HSPA14: variants seen among roughly 807,000 people sequenced by gnomAD.
The protein encoded by HSPA14 is heat shock protein family A (Hsp70) member 14, also known as heat shock 70 kDa protein 14.
Under a neutral mutation model 65.5 loss-of-function variants are expected in HSPA14, and 37 were observed. The observed-to-expected ratio is 0.56, with a 90% confidence interval of 0.43 to 0.74. The LOEUF (loss-of-function observed/expected upper bound fraction) is 0.74. Among genes scored for constraint, HSPA14 ranks in the 30% least tolerant of loss-of-function variants. The pLI, the probability that HSPA14 is intolerant of heterozygous loss-of-function variation, is 0.00. For synonymous variants in HSPA14, 203 were observed against 214.2 expected (o/e 0.95, Z 0.46); for missense variants, 564 against 607.6 (o/e 0.93, Z 0.75).
intron 3 of HSPA14, among the ~76,000 whole-genome samples, chr10:14,848,323 G>A (rs1213816194): frequency 6.6e-6 from 1 of 152,120 alleles, no homozygotes; most frequent in African/African-American, 2.4e-5. Flanking sequence ...ATTATGAAAA[G>A]TCACCTCAAA....
intron 8 of HSPA14, 110 bp downstream of exon 8, chr10:14,852,641 T>C (rs529826741): frequency 5.6e-6 from 5 of 895,158 alleles, no homozygotes; most frequent in Non-Finnish European, 6.8e-6. Flanking sequence ...GAGGATGTGG[T>C]TTTTTCATTG....
intron 10 of HSPA14, among the ~76,000 whole-genome samples, chr10:14,856,212 A>G (rs1435889321): frequency 6.6e-6 from 1 of 152,222 alleles, no homozygotes; most frequent in Non-Finnish European, 1.5e-5. Context: ...AATACTTGCT[A>G]TGTGCCAGGC....
At chr10:14,845,018 T>A in intron 3 of HSPA14, 1 of 985,446 alleles carries the variant, frequency 1.0e-6, no homozygotes, top group Non-Finnish European at 1.2e-6. Flanking sequence ...ACAGCTTTGT[T>A]TCCTCTTTAA....
At chr10:14,843,776 G>A (rs745912318) in intron 3 of HSPA14, 246 of 1,536,210 alleles carry the variant, frequency 1.6e-4, no homozygotes, top group Non-Finnish European at 2.0e-4. Context: ...AATGAGCTCC[G>A]CAGGGATGCT....
Position 14,842,456 on chromosome 10 carries a change from A to C in HSPA14, c.221+2299A>C, listed in dbSNP as rs1217990559. On this transcript the variant is annotated intron_variant, in intron 3 of 13. Coordinates refer to ENST00000378372, the MANE Select transcript of HSPA14 (RefSeq NM_016299.4). The surrounding 1 kb of genome is among the most constrained non-coding windows in gnomAD (Gnocchi z 5.2). ...AATGCAGCAGGAGGGCTTCCGCCGC[A>C]CCGAACGTCAGTGCCGCTCCAAGTT... 1.3e-6 allele frequency: 2 copies of C among 1,536,170 alleles called. No homozygotes were observed. The highest frequency in any genetic ancestry group is 8.7e-7 in the Non-Finnish European group (1 of 1,146,922).
chr10:14,864,807 C>T (rs7904411), intron 10 of HSPA14, among the ~76,000 whole-genome samples: 26,661 of 152,086 alleles, frequency 0.18, 3,111 homozygotes, highest in South Asian at 0.34. Flanking sequence ...GTCTTTATGG[C>T]AGCATGACTT....
chr10:14,842,890 G>A lies in HSPA14; in HGVS notation c.221+2733G>A. 1.5e-6 allele frequency: 2 copies of A among 1,327,054 alleles called. No individual in the cohort carries two copies. 82.2% of individuals were successfully genotyped at this position (1,327,054 alleles called of 1,614,324 possible). On this transcript the variant is annotated intron_variant, in intron 3 of 13. Coordinates refer to ENST00000378372, the MANE Select transcript of HSPA14 (RefSeq NM_016299.4). This position sits in a 1 kb window ranked among gnomAD's most constrained non-coding sequence, Gnocchi z 5.2. ...AAGGAGTTGGGTCCCAGAGTCTTGT[G>A]GCTCTAAACATTTAGCTGTGTCTGT...
At chr10:14,843,307 G>T in intron 3 of HSPA14, 2 of 1,539,854 alleles carry the variant, frequency 1.3e-6, no homozygotes, top group Non-Finnish European at 1.8e-6. Context: ...CAGCTCTGCT[G>T]CTGGCTCCAA....
chr10:14,860,976 G>T (rs968495830), intron 10 of HSPA14, among the ~76,000 whole-genome samples: 5 of 152,102 alleles, frequency 3.3e-5, no homozygotes, highest in African/African-American at 1.2e-4. Flanking sequence ...AGGAAGGCAG[G>T]CAAAAACATA....
chr10:14,852,145 C>T (rs571900961), intron 7 of HSPA14, among the ~76,000 whole-genome samples: 3 of 152,288 alleles, frequency 2.0e-5, no homozygotes, highest in Non-Finnish European at 4.4e-5. Context: ...CAGAAGAATA[C>T]AGTTGTATCC....
chr10:14,852,605 TTATTTTAAGTTATCC>T, intron 8 of HSPA14, 74 bp downstream of exon 8: 1 of 1,178,876 alleles, frequency 8.5e-7, no homozygotes, highest in Non-Finnish European at 1.2e-6. Flanking sequence ...TTTTCCTAAT[TTATTTTAAGTTATCC>T]TGCTGCAAAG....
In HSPA14 at chr10:14,839,003, C is replaced by G. The variant is rs554460124; in HGVS notation, c.57+544C>G. 2.7e-3 allele frequency among the ~76,000 whole-genome samples: 409 copies of G among 152,192 alleles called. 1 individual carries two copies. The highest frequency in any genetic ancestry group is 0.015 in the South Asian group (73 of 4,820). Reference sequence around the variant, plus strand: ...GCCGCAGAACGCGCTGAGCTGGGCCCGAACGTCTAGGTCCCGGAGGGGCGG... The same window carrying G: ...GCCGCAGAACGCGCTGAGCTGGGCCGGAACGTCTAGGTCCCGGAGGGGCGG... On this transcript the variant is annotated intron_variant, in intron 1 of 13. Transcript: ENST00000378372.
chr10:14,848,713 A>T (rs910911909), intron 4 of HSPA14, 56 bp downstream of exon 4: 1 of 1,475,106 alleles, frequency 6.8e-7, no homozygotes, highest in Non-Finnish European at 9.4e-7. Flanking sequence ...CCAAGGTGAT[A>T]ACATGGAATG....
Position 14,842,853 on chromosome 10 carries a change from C to G in HSPA14, c.221+2696C>G. The G allele has an allele frequency of 6.6e-7, 1 of 1,516,348 alleles. No individual in the cohort carries two copies. The highest frequency in any genetic ancestry group is 8.8e-7 in the Non-Finnish European group (1 of 1,135,320). 93.9% of individuals were successfully genotyped at this position (1,516,348 alleles called of 1,614,324 possible). Reference sequence around the variant, plus strand: ...GATGAATCCTCGGGTGCAGGTAACTCCCAAGCATGTGAAGGAGTTGGGTCC... The same window carrying G: ...GATGAATCCTCGGGTGCAGGTAACTGCCAAGCATGTGAAGGAGTTGGGTCC... On this transcript the variant is annotated intron_variant, in intron 3 of 13. Coordinates refer to ENST00000378372, the MANE Select transcript of HSPA14 (RefSeq NM_016299.4). The surrounding 1 kb of genome is among the most constrained non-coding windows in gnomAD (Gnocchi z 5.2).
intron 5 of HSPA14, 29 bp downstream of exon 5, chr10:14,848,924 C>A (rs776955165): frequency 8.8e-7 from 1 of 1,141,610 alleles, no homozygotes; most frequent in Non-Finnish European, 1.3e-6. Context: ...ATAATAGTTA[C>A]CTTTAATGAT....
At position 14,870,463 on chromosome 10, in the gene HSPA14, A is replaced by C. The variant is rs1308175102; in HGVS notation, c.1381-134A>C. On this transcript the variant is annotated intron_variant, in intron 12 of 13. Coordinates refer to ENST00000378372, the MANE Select transcript of HSPA14 (RefSeq NM_016299.4). ...CTCTGAATTCTGATTCAGTGGTAGG[A>C]GAATTGAAAACTGCCCTATTTTAAA... is the stretch of plus-strand genomic sequence containing the variant. 2.2e-5 allele frequency: 20 copies of C among 903,100 alleles called. No homozygotes were observed. The East Asian group carries it at 6.1e-4, about 28-fold the overall frequency. The allele number at this position is 903,100 out of a possible 1,614,324, so 55.9% of individuals were successfully genotyped here.
At chr10:14,851,053 C>A in intron 6 of HSPA14, 166 bp from the exon 7 acceptor site, 1 of 562,828 alleles carries the variant, frequency 1.8e-6, no homozygotes, top group Non-Finnish European at 3.1e-6. Flanking sequence ...CTCTTATAGT[C>A]ATTCATTTCT....
rs749454461 is a variant in HSPA14, at chr10:14,840,108, A to G, written c.172A>G (p.Arg58Gly). ...ATTGGCAGCAAAACAAAGTAGAATA[A>G]GAAATATTTCAAATACAGTAATGAA... ...VGLAAKQSRI[R>G]NISNTVMKVK... Residue 58 changes from arginine to glycine, a missense_variant, in exon 3 of 14, where the codon AGA (arginine) becomes GGA (glycine). By Grantham distance (125) the Arg-to-Gly change is moderately radical. Transcript: ENST00000378372. The G allele has an allele frequency of 2.0e-6, 3 of 1,474,090 alleles. No homozygotes were observed. The African/African-American group carries it at 4.2e-5, about 21-fold the overall frequency. The allele number at this position is 1,474,090 out of a possible 1,614,324, so 91.3% of individuals were successfully genotyped here. A position where few individuals can be genotyped will look rare whatever the true frequency, so the allele number is the denominator to read the frequency against.
chr10:14,843,733 G>A, intron 3 of HSPA14: 1 of 1,537,214 alleles, frequency 6.5e-7, no homozygotes, highest in South Asian at 1.2e-5. Flanking sequence ...GATTGCTATT[G>A]GTGAGGAGGC....
Sources: gnomAD v4.1 joint callset for allele counts (sites outside exome capture counted in the v4.1 genomes callset) on GRCh38, gnomAD v4.1.1 for gene constraint, Gnocchi (gnomAD v3.1) non-coding constraint, MANE v1.5 for transcripts, NCBI Gene and HGNC (gene_info 2026-07-23, HGNC 2026-07-21) for gene names.